ZMYM5: variants seen among roughly 807,000 people sequenced by gnomAD.
ZMYM5 encodes the protein zinc finger MYM-type protein 5.
A neutral mutation model predicts 61.8 loss-of-function variants in ZMYM5; 41 were observed. The observed-to-expected ratio is 0.66, with a 90% CI of 0.52 to 0.86. The LOEUF is 0.86. Ranked by LOEUF, ZMYM5 falls within the 40% of genes least tolerant of loss-of-function variation. The pLI, the probability that ZMYM5 is intolerant of heterozygous loss-of-function variation, is 0.00. For missense variants in ZMYM5, 706 were observed against 786.7 expected (o/e 0.90, Z 1.23); for synonymous variants, 257 against 276.4 (o/e 0.93, Z 0.70).
chr13:19,829,690 G>C (rs937063648), intron 7 of ZMYM5, among the ~76,000 whole-genome samples: 5 of 152,118 alleles, frequency 3.3e-5, no homozygotes, highest in Non-Finnish European at 7.3e-5. Flanking sequence ...AAACGCCTGG[G>C]CTCAATTGAC....
chr13:19,834,104 G>A (rs1373478875), intron 7 of ZMYM5, among the ~76,000 whole-genome samples: 1 of 152,208 alleles, frequency 6.6e-6, no homozygotes, highest in Non-Finnish European at 1.5e-5. Context: ...AGCCTCCAGA[G>A]TAGCTGGGAT....
intron 4 of ZMYM5, among the ~76,000 whole-genome samples, chr13:19,841,494 T>G (rs1952876491): frequency 6.6e-6 from 1 of 151,568 alleles, no homozygotes; most frequent in Admixed American, 6.6e-5. Flanking sequence ...TTCCATTTGT[T>G]ATTTGTAGCT....
intron 4 of ZMYM5, 39 bp downstream of exon 4, chr13:19,851,316 T>A (rs1463994366): frequency 6.5e-7 from 1 of 1,539,456 alleles, no homozygotes; most frequent in South Asian, 1.1e-5. Flanking sequence ...GCCAAAGGCT[T>A]ATTTACTTGA....
At chr13:19,850,417 T>C (rs1005384590) in intron 4 of ZMYM5, among the ~76,000 whole-genome samples, 4 of 151,978 alleles carry the variant, frequency 2.6e-5, no homozygotes, top group South Asian at 2.1e-4. Flanking sequence ...CTGGCCAACA[T>C]GGAGAAACCC....
chr13:19,860,430 TTGTGTGTGTGTGTGTGTA>T lies in ZMYM5; in HGVS notation c.-11+1951_-11+1968del, dbSNP rs1485387404. ...CATGTGCCACCAGGCCCGGCTAATT[TTGTGTGTGTGTGTGTGTA>T]TGTGTGTGTGTGTGTGTGTGTGTAT... On this transcript the variant is annotated intron_variant, in intron 2 of 7. Coordinates refer to ENST00000337963, the MANE Select transcript of ZMYM5 (RefSeq NM_001142684.2). 5.3e-3 allele frequency among the ~76,000 whole-genome samples: 710 copies of T among 133,680 alleles called. 9 individuals are homozygous for T. Among genetic ancestry groups the T allele is most frequent in the African/African-American group, 0.019 (687 of 36,664 alleles). The allele number at this position is 133,680 out of a possible 152,430, so 87.7% of individuals were successfully genotyped here. A position where few individuals can be genotyped will look rare whatever the true frequency, so the allele number is the denominator to read the frequency against.
At chr13:19,830,969 A>G (rs1891182701) in intron 7 of ZMYM5, among the ~76,000 whole-genome samples, 1 of 150,234 alleles carries the variant, frequency 6.7e-6, no homozygotes, top group Non-Finnish European at 1.5e-5. Context: ...CCTCCAGGGT[A>G]GTTGGGACTA....
chr13:19,831,250 C>T (rs1358320480), intron 7 of ZMYM5, among the ~76,000 whole-genome samples: 1 of 151,740 alleles, frequency 6.6e-6, no homozygotes, highest in Non-Finnish European at 1.5e-5. Flanking sequence ...CCTCAGGCTC[C>T]CAAACAGCTG....
At chr13:19,831,938 C>T (rs1390014774) in intron 7 of ZMYM5, among the ~76,000 whole-genome samples, 3 of 151,558 alleles carry the variant, frequency 2.0e-5, no homozygotes, top group Non-Finnish European at 2.9e-5. Context: ...TCACTGCAAC[C>T]TCCGCCTCCC....
intron 5 of ZMYM5, 25 bp from the exon 6 acceptor site, chr13:19,837,846 A>G: frequency 6.4e-7 from 1 of 1,566,090 alleles, no homozygotes; most frequent in East Asian, 2.3e-5. Context: ...ATAGACACAT[A>G]ATTTAAGAAC....
chr13:19,856,309 C>A (rs1953507626), intron 2 of ZMYM5, among the ~76,000 whole-genome samples: 1 of 152,012 alleles, frequency 6.6e-6, no homozygotes, highest in Admixed American at 6.6e-5. Context: ...CATGCAAATC[C>A]CTGGCATATG....
chr13:19,844,455 G>A (rs1953005150), intron 4 of ZMYM5, among the ~76,000 whole-genome samples: 1 of 152,130 alleles, frequency 6.6e-6, no homozygotes, highest in African/African-American at 2.4e-5. Flanking sequence ...AATAAGACAT[G>A]TACATAGTAA....
rs770066753 is a variant in ZMYM5, at chr13:19,837,835, GA to G, written c.873-15del. 3.8e-6 allele frequency: 6 copies of G among 1,571,680 alleles called. No homozygotes were observed. Among genetic ancestry groups the G allele is most frequent in the Non-Finnish European group, 3.4e-6 (4 of 1,169,964 alleles). On this transcript the variant is annotated splice_polypyrimidine_tract_variant and intron_variant, in intron 5 of 7. Transcript: ENST00000337963. ...GTAGATGCATCTCTGAAACAGAAGG[GA>G]TAGACACATAATTTAAGAACACTGA...
At chr13:19,858,303 G>A (rs1953585113) in intron 2 of ZMYM5, among the ~76,000 whole-genome samples, 2 of 151,904 alleles carry the variant, frequency 1.3e-5, no homozygotes, top group Non-Finnish European at 2.9e-5. Flanking sequence ...CAGTAAAGTG[G>A]GCCAGGTGCA....
chr13:19,833,386 A>T (rs1452156332), intron 7 of ZMYM5, among the ~76,000 whole-genome samples: 1 of 152,186 alleles, frequency 6.6e-6, no homozygotes, highest in African/African-American at 2.4e-5. Flanking sequence ...ATAATTTGTT[A>T]AAAAATCTTG....
chr13:19,841,453 A>G (rs185015463), intron 4 of ZMYM5, among the ~76,000 whole-genome samples: 73 of 152,222 alleles, frequency 4.8e-4, no homozygotes, highest in Non-Finnish European at 9.7e-4. Flanking sequence ...AACAGCCCCA[A>G]TTCTTCTCTC....
chr13:19,825,083 C>T lies in ZMYM5; in HGVS notation c.1404G>A (p.Gln468=), dbSNP rs1890846322. The change falls in exon 8 of 8, where the codon CAG becomes CAA. Residue 468 remains glutamine, a synonymous_variant. Transcript: ENST00000337963. Reference sequence around the variant, plus strand: ...TGCCACATTCTACTGAAAGCTGTAGCTGTGAAGTCTTTTCCTTTTTTTCTG... The same window carrying T: ...TGCCACATTCTACTGAAAGCTGTAGTTGTGAAGTCTTTTCCTTTTTTTCTG... ...GIPEKKEKTS[Q]LQLSVECGTD... is the part of the protein sequence containing the mutation. 2 of 1,367,346 alleles carry T rather than the reference C, an allele frequency of 1.5e-6. No homozygotes were observed. Among genetic ancestry groups the T allele is most frequent in the African/African-American group, 1.5e-5 (1 of 67,720 alleles). The allele number at this position is 1,367,346 out of a possible 1,614,324, so 84.7% of individuals were successfully genotyped here.
chr13:19,836,548 A>C (rs539043134), intron 6 of ZMYM5, among the ~76,000 whole-genome samples: 32 of 152,250 alleles, frequency 2.1e-4, no homozygotes, highest in Non-Finnish European at 3.8e-4. Context: ...GACTCCAGTG[A>C]TTGTCCTGTC....
chr13:19,850,957 C>T (rs1953268238), intron 4 of ZMYM5, among the ~76,000 whole-genome samples: 1 of 152,118 alleles, frequency 6.6e-6, no homozygotes, highest in Non-Finnish European at 1.5e-5. Context: ...GCCTGTAATT[C>T]CAACACTTTG....
At position 19,838,901 on chromosome 13, in the gene ZMYM5, C is replaced by T. The variant is rs778790793; in HGVS notation, c.671G>A (p.Arg224His). The T allele has an allele frequency of 4.3e-6, 7 of 1,613,916 alleles. No homozygotes were observed. Among genetic ancestry groups the T allele is most frequent in the East Asian group, 2.2e-5 (1 of 44,894 alleles). Residue 224 changes from arginine (R) to histidine (H), a missense_variant, in exon 5 of 8, where the codon CGT becomes CAT. Physicochemically the swap from Arg to His is conservative, Grantham distance 29. Around this residue, in one of 2 missense-constraint regions of ZMYM5, gnomAD observed 480 missense variants for 461.7 expected, o/e 1.04. Coordinates refer to ENST00000337963, the MANE Select transcript of ZMYM5 (RefSeq NM_001142684.2). ...GGCTGTAGGCTGGAAATTCTGCTTA[C>T]GAAGTAAGGCCACTGGTGATAAAGA... ...VDSLSPVALL[R>H]KQNFQPTAQQ...
Sources: allele counts gnomAD v4.1 joint callset (sites outside exome capture counted in the v4.1 genomes callset), GRCh38; gene constraint gnomAD v4.1.1; regional missense constraint gnomAD v4.1.1; transcripts MANE v1.5; gene names NCBI Gene and HGNC (gene_info 2026-07-23, HGNC 2026-07-21).